Variants in LY6G6F observed in about 807,000 individuals in gnomAD.
LY6G6F encodes the protein lymphocyte antigen 6 complex locus protein G6f.
Under a neutral mutation model 33.0 loss-of-function variants are expected in LY6G6F, and 26 were observed. The ratio of observed to expected loss-of-function variants is 0.79; its 90% CI spans 0.58 to 1.09. LY6G6F has a LOEUF of 1.09. LY6G6F is among the 50% of genes least tolerant of loss of function. LY6G6F has a pLI of 0.00. For synonymous variants in LY6G6F, 132 were observed against 148.1 expected (o/e 0.89, Z 0.79); for missense variants, 317 against 372.0 (o/e 0.85, Z 1.22).
chr6:31,708,944 T>A (rs751316632), intron 3 of LY6G6F, among the ~76,000 whole-genome samples: 4 of 152,090 alleles, frequency 2.6e-5, no homozygotes, highest in Non-Finnish European at 5.9e-5. Context: ...AAATTGTATT[T>A]TTAGTAGAGA....
chr6:31,710,395 G>A lies in LY6G6F; in HGVS notation c.846G>A (p.Glu282=). ...PQFKPEIQVY[E]NIHLARLGPP... Reference sequence around the variant, plus strand: ...TCAAACCCGAAATCCAGGTCTATGAGAACATCCATTTGGCCCGTCTTGGGT... The same window carrying A: ...TCAAACCCGAAATCCAGGTCTATGAAAACATCCATTTGGCCCGTCTTGGGT... The change falls in exon 5 of 6, where the codon GAG becomes GAA. Residue 282 remains glutamate (E), a synonymous_variant. Transcript: ENST00000375832. The surrounding 1 kb of genome is among the most constrained non-coding windows in gnomAD (Gnocchi z 4.7). 6.2e-7 allele frequency: 1 copy of A among 1,614,168 alleles called. No individual in the cohort carries two copies. The highest frequency in any genetic ancestry group is 8.5e-7 in the Non-Finnish European group (1 of 1,180,028).
intron 3 of LY6G6F, 142 bp from the exon 4 acceptor site, chr6:31,709,884 A>G: frequency 1.2e-6 from 1 of 832,654 alleles, no homozygotes; most frequent in African/African-American, 1.7e-5. Context: ...AGTAGGGTGG[A>G]GGATATTGTG....
In LY6G6F at chr6:31,708,081, G is replaced by C. The variant is rs759238697; in HGVS notation, c.593G>C (p.Arg198Thr). 1.9e-6 allele frequency: 3 copies of C among 1,605,856 alleles called. No homozygotes were observed. In the South Asian group the frequency reaches 3.3e-5, roughly 18 times the overall value. Residue 198 changes from arginine to threonine, a missense_variant, in exon 3 of 6, where the codon AGA becomes ACA. Arg to Thr is a moderately conservative substitution (Grantham distance 71, BLOSUM62 -1). Transcript: ENST00000375832. The stretch of plus-strand genomic sequence containing the variant: ...TCTGAGCCCAGGAGCCGAAGACCAA[G>C]AATCATCCGCTGCCTCATGACTCAC... ...GLSEPRSRRP[R>T]IIRCLMTHNK...
rs775446913 is a variant in LY6G6F, at chr6:31,710,147, C to T, written c.768C>T (p.Leu256=). The T allele has an allele frequency of 2.5e-6, 4 of 1,612,814 alleles. No individual in the cohort carries two copies. The South Asian group carries it at 4.4e-5, about 18-fold the overall frequency. ...TCATCCTGGCCCTCAGCATCGTGCT[C>T]TGGAGGCAGAGGGTCCGTGGGGCTC... is the stretch of plus-strand genomic sequence containing the variant. ...GVVILALSIV[L]WRQRVRGAPG... The change falls in exon 4 of 6, where the codon CTC becomes CTT. Residue 256 remains leucine, a synonymous_variant. Transcript: ENST00000375832. The surrounding 1 kb of genome is among the most constrained non-coding windows in gnomAD (Gnocchi z 4.7).
rs777853279 is a variant in LY6G6F, at chr6:31,710,141, C to T, written c.762C>T (p.Ile254=). The T allele has an allele frequency of 6.2e-6, 10 of 1,612,884 alleles. No individual in the cohort carries two copies. The highest frequency in any genetic ancestry group is 2.7e-5 in the African/African-American group (2 of 74,910). ...GAGTTGTCATCCTGGCCCTCAGCAT[C>T]GTGCTCTGGAGGCAGAGGGTCCGTG... The part of the protein sequence containing the change: ...GQGVVILALS[I]VLWRQRVRGA... The change falls in exon 4 of 6, where the codon ATC becomes ATT. Residue 254 remains isoleucine (I), a synonymous_variant. Coordinates refer to ENST00000375832, the MANE Select transcript of LY6G6F (RefSeq NM_001003693.3). The surrounding 1 kb of genome is among the most constrained non-coding windows in gnomAD (Gnocchi z 4.7).
chr6:31,707,940 G>T lies in LY6G6F; in HGVS notation c.452G>T (p.Ser151Ile), dbSNP rs771430786. 6.2e-7 allele frequency: 1 copy of T among 1,613,262 alleles called. No homozygotes were observed. Among genetic ancestry groups the T allele is most frequent in the African/African-American group, 1.3e-5 (1 of 75,066 alleles). ...GTCCTCCTGTGCTCTGTGGTCCCCA[G>T]CAGACGCATGGACTCTGTGACCTGG... ...CNVLLCSVVP[S>I]RRMDSVTWQE... is the part of the protein sequence containing the mutation. The change falls in exon 3 of 6, where the codon AGC becomes ATC. Residue 151 changes from serine (S) to isoleucine (I), a missense_variant. Ser to Ile is a moderately radical substitution (Grantham distance 142). Transcript: ENST00000375832. This position sits in a 1 kb window ranked among gnomAD's most constrained non-coding sequence, Gnocchi z 4.1.
intron 3 of LY6G6F, among the ~76,000 whole-genome samples, chr6:31,709,680 C>T (rs999651654): frequency 7.2e-5 from 11 of 152,116 alleles, no homozygotes; most frequent in African/African-American, 2.7e-4. Context: ...AGGTGTGAAC[C>T]ACTGCGCCTG....
intron 3 of LY6G6F, 46 bp from the exon 4 acceptor site, chr6:31,709,980 C>A (rs1805905141): frequency 6.3e-7 from 1 of 1,575,718 alleles, no homozygotes; most frequent in African/African-American, 1.3e-5. Flanking sequence ...GGGACAGGGC[C>A]CCTCACTACC....
At position 31,710,649 on chromosome 6, in the gene LY6G6F, G is replaced by A. The variant is rs376146109; in HGVS notation, c.*58G>A. ...CTGTCTCGCTGGCCATCTGGCACCTGGAAGATTCCTCGACAACCTTAGCAA... is the reference window on the plus strand; with the variant it reads ...CTGTCTCGCTGGCCATCTGGCACCTAGAAGATTCCTCGACAACCTTAGCAA... On this transcript the variant is annotated 3_prime_UTR_variant, in exon 6 of 6. Transcript: ENST00000375832. This position sits in a 1 kb window ranked among gnomAD's most constrained non-coding sequence, Gnocchi z 4.7. 2.7e-5 allele frequency: 44 copies of A among 1,609,828 alleles called. No individual in the cohort carries two copies. The highest frequency in any genetic ancestry group is 3.5e-5 in the Non-Finnish European group (41 of 1,176,492).
Position 31,708,004 on chromosome 6 carries a change from C to T in LY6G6F, c.516C>T (p.Ser172=), listed in dbSNP as rs768027586. 1 of 1,613,080 alleles carries T rather than the reference C, an allele frequency of 6.2e-7. No individual in the cohort carries two copies. The highest frequency in any genetic ancestry group is 8.5e-7 in the Non-Finnish European group (1 of 1,180,032). ...GTCCCGTGAGGGGCCGTGTTCAGTC[C>T]TTCTGGGGCAGTGAGGCTGCCCTGC... The part of the protein sequence containing the change: ...GKGPVRGRVQ[S]FWGSEAALLL... Residue 172 remains serine (S), a synonymous_variant, in exon 3 of 6, where the codon TCC becomes TCT. Coordinates refer to ENST00000375832, the MANE Select transcript of LY6G6F (RefSeq NM_001003693.3).
At position 31,707,917 on chromosome 6, in the gene LY6G6F, C is replaced by T. The variant is rs754542595; in HGVS notation, c.429C>T (p.Val143=). The change falls in exon 3 of 6, where the codon GTC becomes GTT. Residue 143 remains valine, a synonymous_variant. Transcript: ENST00000375832. The surrounding 1 kb of genome is among the most constrained non-coding windows in gnomAD (Gnocchi z 4.1). The stretch of plus-strand genomic sequence containing the variant: ...CTGCAGATGGATCCCCCTGCAATGT[C>T]CTCCTGTGCTCTGTGGTCCCCAGCA... ...ARAADGSPCN[V]LLCSVVPSRR... 6.2e-7 allele frequency: 1 copy of T among 1,613,522 alleles called. No homozygotes were observed. The highest frequency in any genetic ancestry group is 1.1e-5 in the South Asian group (1 of 91,076).
intron 3 of LY6G6F, among the ~76,000 whole-genome samples, chr6:31,709,272 T>A (rs1304174616): frequency 6.6e-6 from 1 of 150,556 alleles, no homozygotes; most frequent in African/African-American, 2.4e-5. Context: ...TTTTTTGTTT[T>A]TTTTTTGAGA....
chr6:31,709,778 G>A (rs892661240), intron 3 of LY6G6F, among the ~76,000 whole-genome samples: 2 of 152,210 alleles, frequency 1.3e-5, no homozygotes, highest in Non-Finnish European at 2.9e-5. Flanking sequence ...TGGTCTGCTC[G>A]CCTTGGCCTC....
intron 3 of LY6G6F, 106 bp from the exon 4 acceptor site, chr6:31,709,920 G>T: frequency 8.3e-7 from 1 of 1,201,734 alleles, no homozygotes; most frequent in East Asian, 2.5e-5. Context: ...AAAGTCTTCT[G>T]TTGGAAGAGC....
At position 31,707,975 on chromosome 6, in the gene LY6G6F, A is replaced by G; in HGVS notation, c.487A>G (p.Lys163Glu). The G allele has an allele frequency of 6.2e-7, 1 of 1,613,036 alleles. No individual in the cohort carries two copies. Among genetic ancestry groups the G allele is most frequent in the Non-Finnish European group, 8.5e-7 (1 of 1,180,022 alleles). Residue 163 changes from lysine (K) to glutamate (E), a missense_variant, in exon 3 of 6, where the codon AAG becomes GAG. Transcript: ENST00000375832. The surrounding 1 kb of genome is among the most constrained non-coding windows in gnomAD (Gnocchi z 4.1). ...RMDSVTWQEG[K>E]GPVRGRVQSF... ...GGACTCTGTGACCTGGCAGGAAGGG[A>G]AGGGTCCCGTGAGGGGCCGTGTTCA...
rs778230239 is a variant in LY6G6F at position 31,707,823 on chromosome 6, C to T, written c.382+36C>T. Reference sequence around the variant, plus strand: ...GCATGCAGACCAGGGGCTACTGTGGCCCAGGAAGTCCAGGTGAAGAACTGA... The same window carrying T: ...GCATGCAGACCAGGGGCTACTGTGGTCCAGGAAGTCCAGGTGAAGAACTGA... On this transcript the variant is annotated intron_variant, in intron 2 of 5. Coordinates refer to ENST00000375832, the MANE Select transcript of LY6G6F (RefSeq NM_001003693.3). This position sits in a 1 kb window ranked among gnomAD's most constrained non-coding sequence, Gnocchi z 4.1. 6.2e-7 allele frequency: 1 copy of T among 1,607,724 alleles called. No individual in the cohort carries two copies. Among genetic ancestry groups the T allele is most frequent in the Non-Finnish European group, 8.5e-7 (1 of 1,175,404 alleles).
chr6:31,709,377 AGCC>A (rs1805859800), intron 3 of LY6G6F, among the ~76,000 whole-genome samples: 1 of 151,210 alleles, frequency 6.6e-6, no homozygotes, highest in Non-Finnish European at 1.5e-5. Context: ...CTCCTGCCTC[AGCC>A]TCTCGAGTAG....
chr6:31,710,146 T>C lies in LY6G6F; in HGVS notation c.767T>C (p.Leu256Pro), dbSNP rs769729154. 2.5e-6 allele frequency: 4 copies of C among 1,612,898 alleles called. No homozygotes were observed. Among genetic ancestry groups the C allele is most frequent in the Non-Finnish European group, 3.4e-6 (4 of 1,179,942 alleles). The change falls in exon 4 of 6, where the codon CTC becomes CCC. Residue 256 changes from leucine to proline, a missense_variant. Leu to Pro is a moderately conservative substitution (Grantham distance 98). Coordinates refer to ENST00000375832, the MANE Select transcript of LY6G6F (RefSeq NM_001003693.3). This position sits in a 1 kb window ranked among gnomAD's most constrained non-coding sequence, Gnocchi z 4.7. ...GVVILALSIV[L>P]WRQRVRGAPG... Reference sequence around the variant, plus strand: ...GTCATCCTGGCCCTCAGCATCGTGCTCTGGAGGCAGAGGGTCCGTGGGGCT... The same window carrying C: ...GTCATCCTGGCCCTCAGCATCGTGCCCTGGAGGCAGAGGGTCCGTGGGGCT...
At position 31,710,600 on chromosome 6, in the gene LY6G6F, A is replaced by T. The variant is rs1232213216; in HGVS notation, c.*9A>T. The T allele has an allele frequency of 8.1e-6, 13 of 1,614,074 alleles. No homozygotes were observed. In the East Asian group the frequency reaches 2.9e-4, roughly 36 times the overall value. Reference sequence around the variant, plus strand: ...CCCACAAGCCCAGGTGATTTTGGTGACATCTGCTGGGAAGTGTGACCTGCT... The same window carrying T: ...CCCACAAGCCCAGGTGATTTTGGTGTCATCTGCTGGGAAGTGTGACCTGCT... On this transcript the variant is annotated 3_prime_UTR_variant, in exon 6 of 6. Transcript: ENST00000375832. This position sits in a 1 kb window ranked among gnomAD's most constrained non-coding sequence, Gnocchi z 4.7.
Sources: allele counts gnomAD v4.1 joint callset (sites outside exome capture counted in the v4.1 genomes callset), GRCh38; gene constraint gnomAD v4.1.1; non-coding constraint Gnocchi (gnomAD v3.1); transcripts MANE v1.5; gene names NCBI Gene and HGNC (gene_info 2026-07-23, HGNC 2026-07-21).